MECOM: variants seen among roughly 807,000 people sequenced by gnomAD.
The protein encoded by MECOM is histone-lysine N-methyltransferase MECOM.
Under a neutral mutation model 116.3 loss-of-function variants are expected in MECOM, and 13 were observed. The ratio of observed to expected loss-of-function variants is 0.11; its 90% CI spans 0.07 to 0.18. The LOEUF is 0.18. Among genes scored for constraint, MECOM ranks in the 10% least tolerant of loss-of-function variants. The probability of loss-of-function intolerance (pLI) is 1.00; values close to 1 mark genes in which losing one functional copy is unlikely to be tolerated. For missense variants in MECOM, 1,299 were observed against 1,509.0 expected, an observed-to-expected ratio of 0.86 and a Z score of 2.31; for synonymous variants, 528 against 535.2, an observed-to-expected ratio of 0.99 and a Z score of 0.19.
chr3:169,419,318 CT>C (rs1332055772), intron 1 of MECOM, among the ~76,000 whole-genome samples: 1 of 152,130 alleles, frequency 6.6e-6, no homozygotes, highest in Non-Finnish European at 1.5e-5. Flanking sequence ...GGCCATACTG[CT>C]CAAAGTAATT....
chr3:169,240,349 C>A (rs1454037873), intron 2 of MECOM, among the ~76,000 whole-genome samples: 2 of 152,142 alleles, frequency 1.3e-5, no homozygotes, highest in South Asian at 4.1e-4. Flanking sequence ...CATTCCCCAA[C>A]CCCCACCCTA....
intron 2 of MECOM, among the ~76,000 whole-genome samples, chr3:169,379,505 C>T (rs2108267745): frequency 7.2e-6 from 1 of 138,240 alleles, no homozygotes; most frequent in Non-Finnish European, 1.6e-5. Context: ...TAAATATTTG[C>T]CAGTGTATAT....
At chr3:169,552,056 T>TA (rs1761465345) in intron 1 of MECOM, among the ~76,000 whole-genome samples, 1 of 151,894 alleles carries the variant, frequency 6.6e-6, no homozygotes, top group Non-Finnish European at 1.5e-5. Context: ...AAGTAACTGC[T>TA]AACAGGTAAA....
At chr3:169,469,000 C>T (rs1748751556) in intron 1 of MECOM, among the ~76,000 whole-genome samples, 1 of 152,180 alleles carries the variant, frequency 6.6e-6, no homozygotes, top group South Asian at 2.1e-4. Flanking sequence ...AATATCCTAG[C>T]AGTCTTTCTA....
At chr3:169,485,862 G>GTATATATGTATA (rs1432649798) in intron 1 of MECOM, among the ~76,000 whole-genome samples, 1,333 of 110,494 alleles carry the variant, frequency 0.012, no homozygotes, top group East Asian at 0.079. Flanking sequence ...TATACCATAT[G>GTATATATGTATA]TATAGTATAT....
chr3:169,602,973 G>A (rs1004148978), intron 1 of MECOM, among the ~76,000 whole-genome samples: 14 of 152,172 alleles, frequency 9.2e-5, no homozygotes, highest in Non-Finnish European at 1.6e-4. Flanking sequence ...ACTCATATAT[G>A]CACATAGACA....
At position 169,089,984 on chromosome 3, in the gene MECOM, C is replaced by T. The variant is rs1269627302; in HGVS notation, c.3401+16G>A. 16 of 1,606,136 alleles carry T rather than the reference C, an allele frequency of 1.0e-5. No homozygotes were observed. Among genetic ancestry groups the T allele is most frequent in the Non-Finnish European group, 1.4e-5 (16 of 1,176,840 alleles). ...TCTACTCTAGCTTAGTTTCTAAAGT[C>T]ACCCAAGGTACTCACCTCACTGGGG... On this transcript the variant is annotated intron_variant, in intron 15 of 16. Transcript: ENST00000651503.
intron 1 of MECOM, among the ~76,000 whole-genome samples, chr3:169,655,262 T>G (rs910178680): frequency 1.3e-5 from 2 of 152,066 alleles, no homozygotes; most frequent in African/African-American, 4.8e-5. Flanking sequence ...GTCAAAAAAT[T>G]AAATAAAAAT....
chr3:169,446,738 TAA>T (rs1744692156), intron 1 of MECOM, among the ~76,000 whole-genome samples: 1 of 152,156 alleles, frequency 6.6e-6, no homozygotes, highest in African/African-American at 2.4e-5. Flanking sequence ...GTTAAGGAAA[TAA>T]AGACTGAGAG....
Position 169,116,147 on chromosome 3 carries a change from G to T in MECOM, c.1725C>A (p.Asp575Glu). Residue 575 changes from aspartate (D) to glutamate (E), a missense_variant, in exon 8 of 17, where the codon GAC (aspartate) becomes GAA (glutamate). Coordinates refer to ENST00000651503, the MANE Select transcript of MECOM (RefSeq NM_004991.4). ...SEERPFEKIS[D>E]QSESSDLDDV... Reference sequence around the variant, plus strand: ...CATCAAGGTCACTACTCTCTGACTGGTCACTGATTTTCTCAAAGGGCCTCT... The same window carrying T: ...CATCAAGGTCACTACTCTCTGACTGTTCACTGATTTTCTCAAAGGGCCTCT... 6.2e-7 allele frequency: 1 copy of T among 1,614,100 alleles called. No homozygotes were observed. Among genetic ancestry groups the T allele is most frequent in the Non-Finnish European group, 8.5e-7 (1 of 1,180,020 alleles).
rs979727981 is a variant in MECOM, at chr3:169,114,366, C to T, written c.2489+1017G>A. Among the ~76,000 whole-genome samples, 11 of 152,118 alleles carry T rather than the reference C, an allele frequency of 7.2e-5. No homozygotes were observed. In the South Asian group the frequency reaches 1.2e-3, roughly 17 times the overall value. On this transcript the variant is annotated intron_variant, in intron 8 of 16. Coordinates refer to ENST00000651503, the MANE Select transcript of MECOM (RefSeq NM_004991.4). The stretch of plus-strand genomic sequence containing the variant: ...GTCCTTTCCATACTGACAGTGTTTC[C>T]TTGTTAACGCATTATAGATAATATA...
At chr3:169,636,967 T>G (rs893853299) in intron 1 of MECOM, among the ~76,000 whole-genome samples, 1 of 152,184 alleles carries the variant, frequency 6.6e-6, no homozygotes, top group Non-Finnish European at 1.5e-5. Context: ...AGTCCCAGTA[T>G]TCGTGCCCTT....
intron 10 of MECOM, among the ~76,000 whole-genome samples, chr3:169,106,997 CAAAAGAGAT>C (rs1725653090): frequency 6.6e-6 from 1 of 151,894 alleles, no homozygotes; most frequent in South Asian, 2.1e-4. Context: ...ACATATTCCA[CAAAAGAGAT>C]AAAATGAAGG....
chr3:169,418,260 G>T (rs2108493396), intron 1 of MECOM, among the ~76,000 whole-genome samples: 1 of 151,926 alleles, frequency 6.6e-6, no homozygotes, highest in African/African-American at 2.4e-5. Flanking sequence ...CTAATTAATA[G>T]GCTACCAACC....
chr3:169,486,027 G>C (rs529684352), intron 1 of MECOM, among the ~76,000 whole-genome samples: 27 of 110,266 alleles, frequency 2.4e-4, no homozygotes, highest in Non-Finnish European at 4.6e-4. Flanking sequence ...TGTATATATA[G>C]TATATATATA....
At chr3:169,345,021 A>C (rs1289147460) in intron 2 of MECOM, among the ~76,000 whole-genome samples, 1 of 152,162 alleles carries the variant, frequency 6.6e-6, no homozygotes, top group Non-Finnish European at 1.5e-5. Flanking sequence ...GCTGCACATT[A>C]TCACAGTATT....
Position 169,663,400 on chromosome 3 carries a change from G to A in MECOM, c.-28C>T, listed in dbSNP as rs751513176. The A allele has an allele frequency of 6.2e-7, 1 of 1,603,564 alleles. No homozygotes were observed. Among genetic ancestry groups the A allele is most frequent in the South Asian group, 1.1e-5 (1 of 88,860 alleles). On this transcript the variant is annotated 5_prime_UTR_variant, in exon 1 of 17. Transcript: ENST00000651503. ...TGTGCCCAGTCCTGCAGCCGCTGGT[G>A]TGTGGTTGGGGCTTTTTTTTCTTGG...
chr3:169,625,708 C>A (rs1323845257), intron 1 of MECOM, among the ~76,000 whole-genome samples: 1 of 152,190 alleles, frequency 6.6e-6, no homozygotes, highest in African/African-American at 2.4e-5. Context: ...TAAATGTCTT[C>A]TAAATTGAAG....
chr3:169,509,237 C>T (rs1347555811), intron 1 of MECOM, among the ~76,000 whole-genome samples: 1 of 152,198 alleles, frequency 6.6e-6, no homozygotes, highest in East Asian at 1.9e-4. Context: ...TAAATCCTGT[C>T]ACTTCCCTGA....
Sources: allele counts gnomAD v4.1 joint callset (sites outside exome capture counted in the v4.1 genomes callset), GRCh38; gene constraint gnomAD v4.1.1; transcripts MANE v1.5; gene names NCBI Gene and HGNC (gene_info 2026-07-23, HGNC 2026-07-21).